PLCH1: variants seen among roughly 807,000 people sequenced by gnomAD.
The protein encoded by PLCH1 is 1-phosphatidylinositol 4,5-bisphosphate phosphodiesterase eta-1.
Under a neutral mutation model 126.7 loss-of-function variants are expected in PLCH1, and 60 were observed. That is an observed-to-expected ratio of 0.47 (90% CI 0.38 to 0.59). The LOEUF (loss-of-function observed/expected upper bound fraction) is 0.59. Ranked by LOEUF, PLCH1 falls within the 20% of genes least tolerant of loss-of-function variation. PLCH1 has a pLI of 0.00. For synonymous variants in PLCH1, 719 were observed against 734.9 expected (o/e 0.98, Z 0.35); for missense variants, 1,723 against 2,040.0 (o/e 0.84, Z 2.99).
chr3:155,458,521 AAAG>A (rs1253357533), intron 21 of PLCH1, among the ~76,000 whole-genome samples: 4 of 144,430 alleles, frequency 2.8e-5, no homozygotes, highest in African/African-American at 1.1e-4. Context: ...GAGAAATAAG[AAAG>A]AGAAAGAAAG....
chr3:155,542,294 G>A (rs555772587), intron 10 of PLCH1, among the ~76,000 whole-genome samples: 113 of 152,346 alleles, frequency 7.4e-4, no homozygotes, highest in South Asian at 4.8e-3. Flanking sequence ...TAGCACAGCA[G>A]TCTGAGATCA....
At chr3:155,549,409 A>C (rs905171086) in intron 10 of PLCH1, among the ~76,000 whole-genome samples, 1 of 152,080 alleles carries the variant, frequency 6.6e-6, no homozygotes, top group Non-Finnish European at 1.5e-5. Context: ...TGGAGCTTGA[A>C]ATGGGAGAAA....
intron 2 of PLCH1, among the ~76,000 whole-genome samples, chr3:155,598,111 GAGA>G (rs1421687696): frequency 1.3e-5 from 2 of 151,990 alleles, no homozygotes; most frequent in African/African-American, 4.8e-5. Context: ...TTGAACCCGG[GAGA>G]AGGAGGTTGC....
At chr3:155,707,501 CA>C (rs1331482409) in intron 1 of PLCH1, among the ~76,000 whole-genome samples, 1 of 151,970 alleles carries the variant, frequency 6.6e-6, no homozygotes, top group Admixed American at 6.6e-5. Context: ...CCAGCCTGGC[CA>C]ACAAGGCAAA....
intron 14 of PLCH1, among the ~76,000 whole-genome samples, chr3:155,499,376 A>G (rs1168636279): frequency 1.3e-5 from 2 of 152,226 alleles, no homozygotes; most frequent in Non-Finnish European, 2.9e-5. Context: ...TTCTATAGCC[A>G]CTGGTGAAAA....
At chr3:155,606,037 G>A (rs1027941096) in intron 2 of PLCH1, among the ~76,000 whole-genome samples, 1 of 152,058 alleles carries the variant, frequency 6.6e-6, no homozygotes, top group Admixed American at 6.6e-5. Flanking sequence ...GGTAAAAAGA[G>A]ATTTTAAAGA....
At chr3:155,463,248 C>G (rs906182633) in intron 21 of PLCH1, among the ~76,000 whole-genome samples, 1 of 152,156 alleles carries the variant, frequency 6.6e-6, no homozygotes, top group African/African-American at 2.4e-5. Context: ...GTCATATATA[C>G]AGCAACAAAA....
At position 155,488,048 on chromosome 3, in the gene PLCH1, T is replaced by C; in HGVS notation, c.2599A>G (p.Ile867Val). ...CTCACCTTTCCATAGATTTCATTGATGGTTATGTGTACAAATATGGATGCT... is the reference window on the plus strand; with the variant it reads ...CTCACCTTTCCATAGATTTCATTGACGGTTATGTGTACAAATATGGATGCT... Reference protein sequence around the residue: ...TEASIFVHITINEIYGKNRQL... With the variant: ...TEASIFVHITVNEIYGKNRQL... Residue 867 changes from isoleucine to valine, a missense_variant, in exon 21 of 23, where the codon ATC (isoleucine) becomes GTC (valine). Coordinates refer to ENST00000460012, the MANE Select transcript of PLCH1 (RefSeq NM_014996.4). 6.3e-7 allele frequency: 1 copy of C among 1,597,030 alleles called. No individual in the cohort carries two copies. Among genetic ancestry groups the C allele is most frequent in the Non-Finnish European group, 8.6e-7 (1 of 1,164,416 alleles).
chr3:155,490,779 C>G lies in PLCH1; in HGVS notation c.2392+5G>C, dbSNP rs1159156435. 1 of 1,480,170 alleles carries G rather than the reference C, an allele frequency of 6.8e-7. No homozygotes were observed. Among genetic ancestry groups the G allele is most frequent in the Non-Finnish European group, 9.4e-7 (1 of 1,059,236 alleles). The allele number at this position is 1,480,170 out of a possible 1,614,324, so 91.7% of individuals were successfully genotyped here. On this transcript the variant is annotated splice_donor_5th_base_variant and intron_variant, in intron 19 of 22. Coordinates refer to ENST00000460012, the MANE Select transcript of PLCH1 (RefSeq NM_014996.4). ...TTAAAAAGTGAACACAGATTACCATCTTACCATTGTCATCTACCACACGGG... is the reference window on the plus strand; with the variant it reads ...TTAAAAAGTGAACACAGATTACCATGTTACCATTGTCATCTACCACACGGG...
chr3:155,490,586 A>G (rs1183909505), intron 19 of PLCH1, among the ~76,000 whole-genome samples, 198 bp downstream of exon 19: 2 of 152,218 alleles, frequency 1.3e-5, no homozygotes, highest in Non-Finnish European at 2.9e-5. Flanking sequence ...GAGAGCCTAG[A>G]TTACAATACC....
At chr3:155,685,298 A>G (rs889230375) in intron 2 of PLCH1, among the ~76,000 whole-genome samples, 1 of 152,236 alleles carries the variant, frequency 6.6e-6, no homozygotes, top group African/African-American at 2.4e-5. Flanking sequence ...CCTTTTCTCT[A>G]CAAATCAGGG....
At chr3:155,576,764 G>A (rs960602405) in intron 6 of PLCH1, among the ~76,000 whole-genome samples, 3 of 151,996 alleles carry the variant, frequency 2.0e-5, no homozygotes, top group Non-Finnish European at 2.9e-5. Flanking sequence ...CTTGACTAAC[G>A]ACTCTTTCTA....
At chr3:155,486,743 C>T (rs866988955) in intron 21 of PLCH1, among the ~76,000 whole-genome samples, 19 of 151,898 alleles carry the variant, frequency 1.3e-4, no homozygotes, top group African/African-American at 4.3e-4. Context: ...CCAGGATGGT[C>T]TCGATCTCCT....
chr3:155,610,348 C>A lies in PLCH1; in HGVS notation c.80-13970G>T, dbSNP rs185489464. 1.2e-3 allele frequency among the ~76,000 whole-genome samples: 120 copies of A among 99,104 alleles called. No homozygotes were observed. In the East Asian group the frequency reaches 0.031, roughly 26 times the overall value. 65.0% of individuals were successfully genotyped at this position (99,104 alleles called of 152,430 possible). On this transcript the variant is annotated intron_variant, in intron 2 of 22. Transcript: ENST00000460012. ...TGCACTCCAGCCTGGGCAACAAGAG[C>A]AAAACTGCGTCTGGAGAAAAAAAAA... is the stretch of plus-strand genomic sequence containing the variant.
At chr3:155,641,223 T>A (rs994183778) in intron 2 of PLCH1, among the ~76,000 whole-genome samples, 5 of 151,686 alleles carry the variant, frequency 3.3e-5, no homozygotes, top group Non-Finnish European at 5.9e-5. Flanking sequence ...AAAAACAAAC[T>A]CCTTTTAACA....
intron 21 of PLCH1, among the ~76,000 whole-genome samples, chr3:155,462,174 T>A (rs188910463): frequency 6.6e-6 from 1 of 152,246 alleles, no homozygotes; most frequent in East Asian, 1.9e-4. Flanking sequence ...CAAACCCTGA[T>A]TGCTATGAGA....
chr3:155,586,091 G>A lies in PLCH1; in HGVS notation c.574C>T (p.Arg192Ter). The part of the protein sequence containing the change: ...LMHKLNVNLP[R>*]RKVRQMFQEA... Reference sequence around the variant, plus strand: ...TGAAACATTTGTCTGACTTTTCTTCGGGGCAGATTAACATTCAGTTTATGC... The same window carrying A: ...TGAAACATTTGTCTGACTTTTCTTCAGGGCAGATTAACATTCAGTTTATGC... The change falls in exon 5 of 23, where the codon CGA becomes TGA. Residue 192 changes from arginine to a stop codon, truncating the protein, a stop_gained. Coordinates refer to ENST00000460012, the MANE Select transcript of PLCH1 (RefSeq NM_014996.4). LOFTEE classifies it high-confidence loss of function. The A allele has an allele frequency of 6.2e-7, 1 of 1,613,756 alleles. No homozygotes were observed. The highest frequency in any genetic ancestry group is 1.1e-5 in the South Asian group (1 of 91,062).
chr3:155,517,521 TG>T (rs1720513481), intron 11 of PLCH1, among the ~76,000 whole-genome samples: 1 of 152,158 alleles, frequency 6.6e-6, no homozygotes, highest in Admixed American at 6.5e-5. Context: ...ATGTATTCCT[TG>T]GCTTGTGGCA....
At chr3:155,588,596 C>A (rs928529137) in intron 4 of PLCH1, among the ~76,000 whole-genome samples, 1 of 152,144 alleles carries the variant, frequency 6.6e-6, no homozygotes, top group Non-Finnish European at 1.5e-5. Flanking sequence ...AGAGAAGAGG[C>A]AGGGACAGCC....
Sources: allele counts gnomAD v4.1 joint callset (sites outside exome capture counted in the v4.1 genomes callset), GRCh38; gene constraint gnomAD v4.1.1; transcripts MANE v1.5; gene names NCBI Gene and HGNC (gene_info 2026-07-23, HGNC 2026-07-21).